EXOSC10: variants seen among roughly 807,000 people sequenced by gnomAD.
EXOSC10 encodes exosome component 10, also known as exosome complex component 10.
EXOSC10 carries 94 observed loss-of-function variants against 126.6 expected under a neutral mutation model. The observed-to-expected ratio is 0.74, with a 90% CI of 0.63 to 0.88. The LOEUF (loss-of-function observed/expected upper bound fraction) is 0.88, where lower values mean the gene tolerates loss of function less well. EXOSC10 is among the 40% of genes least tolerant of loss of function. The pLI, the probability that EXOSC10 is intolerant of heterozygous loss-of-function variation, is 0.00. For missense variants in EXOSC10, 1,041 were observed against 1,100.5 expected, an observed-to-expected ratio of 0.95 and a Z score of 0.77; for synonymous variants, 395 against 400.8, an observed-to-expected ratio of 0.99 and a Z score of 0.17.
chr1:11,099,655 G>C, intron 1 of EXOSC10, 66 bp downstream of exon 1: 8 of 1,472,954 alleles, frequency 5.4e-6, no homozygotes, highest in Non-Finnish European at 6.3e-6. Context: ...TGGCTGCCCA[G>C]AGGGCCCAGT....
chr1:11,068,296 G>A lies in EXOSC10; in HGVS notation c.2551-212C>T, dbSNP rs564444804. On this transcript the variant is annotated intron_variant, in intron 23 of 24. Coordinates refer to ENST00000376936, the MANE Select transcript of EXOSC10 (RefSeq NM_001001998.3). ...CACCCCAAAGCAGCCCTGCCCCCGC[G>A]CCTGTGGAAGCTACAGCCACGCTGT... 9.2e-5 allele frequency among the ~76,000 whole-genome samples: 14 copies of A among 152,310 alleles called. No individual in the cohort carries two copies. The East Asian group carries it at 2.1e-3, about 23-fold the overall frequency.
chr1:11,095,849 C>T lies in EXOSC10; in HGVS notation c.281G>A (p.Arg94His), dbSNP rs201697851. Residue 94 changes from arginine (R) to histidine (H), a missense_variant, in exon 3 of 25, where the codon CGC becomes CAC. Physicochemically the swap from Arg to His is conservative, Grantham distance 29. Transcript: ENST00000376936. ...TTTACTTCGATCCTTAATGTTGCTGCGACACCCATGGTACTGCATTACTCT... is the reference window on the plus strand; with the variant it reads ...TTTACTTCGATCCTTAATGTTGCTGTGACACCCATGGTACTGCATTACTCT... ...MSRVMQYHGC[R>H]SNIKDRSKVT... 68 of 1,613,860 alleles carry T rather than the reference C, an allele frequency of 4.2e-5. 1 individual carries two copies. Among genetic ancestry groups the T allele is most frequent in the Middle Eastern group, 3.3e-4 (2 of 6,062 alleles).
chr1:11,076,958 C>T lies in EXOSC10; in HGVS notation c.1880-10G>A, dbSNP rs1338595818. The T allele has an allele frequency of 1.2e-6, 2 of 1,602,762 alleles. No individual in the cohort carries two copies. Among genetic ancestry groups the T allele is most frequent in the Non-Finnish European group, 1.7e-6 (2 of 1,170,398 alleles). Reference sequence around the variant, plus strand: ...TGAACTGGCACAGATCCTAGAGGAGCAGAAGATAGTAAGGTCAAAGCCTAC... The same window carrying T: ...TGAACTGGCACAGATCCTAGAGGAGTAGAAGATAGTAAGGTCAAAGCCTAC... On this transcript the variant is annotated splice_polypyrimidine_tract_variant and intron_variant, in intron 16 of 24. Coordinates refer to ENST00000376936, the MANE Select transcript of EXOSC10 (RefSeq NM_001001998.3).
At chr1:11,093,184 T>C (rs12127428) in intron 3 of EXOSC10, among the ~76,000 whole-genome samples, 10,985 of 152,272 alleles carry the variant, frequency 0.072, 617 homozygotes, top group East Asian at 0.15. Flanking sequence ...TAATTACCCA[T>C]GCCCAATACT....
In EXOSC10 at chr1:11,087,522, T is replaced by C. The variant is rs2100210350; in HGVS notation, c.1015A>G (p.Ile339Val). ...CTTCGAAGCTCGAGGGTGTCAATGA[T>C]GAAGTCTTCCGTCCGAGTAGAAATT... is the stretch of plus-strand genomic sequence containing the variant. ...MQISTRTEDF[I>V]IDTLELRSDM... Residue 339 changes from isoleucine to valine, a missense_variant, in exon 9 of 25, where the codon ATC (isoleucine) becomes GTC (valine). Transcript: ENST00000376936. 1.9e-6 allele frequency: 3 copies of C among 1,614,152 alleles called. No individual in the cohort carries two copies. Among genetic ancestry groups the C allele is most frequent in the Non-Finnish European group, 1.7e-6 (2 of 1,180,030 alleles).
intron 9 of EXOSC10, among the ~76,000 whole-genome samples, chr1:11,086,375 T>C (rs1186847205): frequency 1.3e-5 from 2 of 152,236 alleles, no homozygotes; most frequent in African/African-American, 4.8e-5. Flanking sequence ...GAGGAATTTA[T>C]CCATTTCTTC....
chr1:11,071,175 C>T lies in EXOSC10; in HGVS notation c.2243-202G>A, dbSNP rs534026308. 1.3e-3 allele frequency: 745 copies of T among 573,528 alleles called. 1 individual carries two copies. Among genetic ancestry groups the T allele is most frequent in the Non-Finnish European group, 1.8e-3 (581 of 322,882 alleles). 35.5% of individuals were successfully genotyped at this position (573,528 alleles called of 1,614,324 possible). On this transcript the variant is annotated intron_variant, in intron 20 of 24. Coordinates refer to ENST00000376936, the MANE Select transcript of EXOSC10 (RefSeq NM_001001998.3). ...GGTGCTCTGCCCACCTTCAGCTACA[C>T]GTGAGCTGATCCTCCCCAGCCCTGC...
chr1:11,077,495 T>C, intron 15 of EXOSC10, 52 bp from the exon 16 acceptor site: 1 of 1,593,842 alleles, frequency 6.3e-7, no homozygotes, highest in Non-Finnish European at 8.6e-7. Context: ...AAGCCGGCAG[T>C]AGCTTTCTGC....
At chr1:11,071,059 G>C (rs1364243698) in intron 20 of EXOSC10, 86 bp from the exon 21 acceptor site, 9 of 1,240,292 alleles carry the variant, frequency 7.3e-6, no homozygotes, top group Non-Finnish European at 1.0e-5. Flanking sequence ...ACTTGGCCTA[G>C]CCACAGGGGT....
At chr1:11,099,638 C>G (rs943326375) in intron 1 of EXOSC10, 83 bp downstream of exon 1, 6 of 1,384,394 alleles carry the variant, frequency 4.3e-6, no homozygotes, top group Admixed American at 5.7e-5. Flanking sequence ...CTACGGCGGG[C>G]GGGCATTGGC....
rs550162161 is a variant in EXOSC10, at chr1:11,079,776, C to G, written c.1684G>C (p.Val562Leu). Residue 562 changes from valine (V) to leucine (L), a missense_variant, in exon 14 of 25, where the codon GTG becomes CTG. By Grantham distance (32) the Val-to-Leu change is conservative. Around this residue, in one of 3 missense-constraint regions of EXOSC10, gnomAD observed 388 missense variants for 415.2 expected, o/e 0.93. Coordinates refer to ENST00000376936, the MANE Select transcript of EXOSC10 (RefSeq NM_001001998.3). ...TGCATTTCGTTGATCTGCTGCCGCA[C>G]AAGGGGCGGTACTGGGTTGCAGCAA... is the stretch of plus-strand genomic sequence containing the variant. ...IACCNPVPPL[V>L]RQQINEMHLL... 80 of 1,613,900 alleles carry G rather than the reference C, an allele frequency of 5.0e-5. No homozygotes were observed. In the South Asian group the frequency reaches 8.7e-4, roughly 18 times the overall value.
intron 15 of EXOSC10, 61 bp from the exon 16 acceptor site, chr1:11,077,504 G>GCC (rs746375241): frequency 1.6e-5 from 26 of 1,600,172 alleles, no homozygotes; most frequent in Non-Finnish European, 2.1e-5. Context: ...GTAGCTTTCT[G>GCC]CCAGCTGTCA....
At chr1:11,078,955 A>G (rs1250601240) in intron 14 of EXOSC10, among the ~76,000 whole-genome samples, 4 of 152,164 alleles carry the variant, frequency 2.6e-5, no homozygotes, top group Non-Finnish European at 4.4e-5. Context: ...CCTAAGCCCT[A>G]TTATTTCCCT....
At chr1:11,089,922 C>T (rs1292526415) in intron 6 of EXOSC10, among the ~76,000 whole-genome samples, 1 of 151,476 alleles carries the variant, frequency 6.6e-6, no homozygotes, top group African/African-American at 2.4e-5. Flanking sequence ...CCAGTCTGGG[C>T]GACAGAGCAA....
chr1:11,070,817 C>T (rs1639439313), intron 21 of EXOSC10, 83 bp downstream of exon 21: 1 of 1,245,912 alleles, frequency 8.0e-7, no homozygotes. Flanking sequence ...ACAGGGCAAG[C>T]CCCCTAAGAT....
At chr1:11,079,558 A>C (rs1640027926) in intron 14 of EXOSC10, among the ~76,000 whole-genome samples, 153 bp downstream of exon 14, 1 of 150,794 alleles carries the variant, frequency 6.6e-6, no homozygotes, top group African/African-American at 2.4e-5. Context: ...ACGCCTGGCT[A>C]ATTTTTTGTA....
chr1:11,099,818 C>T lies in EXOSC10; in HGVS notation c.14G>A (p.Ser5Asn), dbSNP rs1641338627. 2.5e-6 allele frequency: 4 copies of T among 1,606,622 alleles called. No individual in the cohort carries two copies. In the South Asian group the frequency reaches 3.3e-5, roughly 13 times the overall value. ...CGACAGGACCCTGGGCTCCCGGGTA[C>T]TGGGTGGCGCCATTTTTTCAGCCTG... MAPP[S>N]TREPRVLSAT... The change falls in exon 1 of 25, where the codon AGT becomes AAT. Residue 5 changes from serine to asparagine, a missense_variant. By Grantham distance (46) the Ser-to-Asn change is conservative. Coordinates refer to ENST00000376936, the MANE Select transcript of EXOSC10 (RefSeq NM_001001998.3).
At chr1:11,070,749 T>G (rs1037192328) in intron 21 of EXOSC10, 151 bp downstream of exon 21, 1 of 657,234 alleles carries the variant, frequency 1.5e-6, no homozygotes, top group Admixed American at 2.7e-5. Flanking sequence ...GGAAATGAGG[T>G]AGACACTAAT....
In EXOSC10 at chr1:11,087,865, G is replaced by A; in HGVS notation, c.880C>T (p.Leu294=). ...EETPCHFISS[L]DELVELNEKL... is the part of the protein sequence containing the mutation. ...TCGTTGAGTTCCACGAGTTCATCCAGGGAGGATATGAAATGGCATGGTGTC... is the reference window on the plus strand; with the variant it reads ...TCGTTGAGTTCCACGAGTTCATCCAAGGAGGATATGAAATGGCATGGTGTC... Residue 294 remains leucine (L), a synonymous_variant, in exon 8 of 25, where the codon CTG becomes TTG. Transcript: ENST00000376936. 1 of 1,613,736 alleles carries A rather than the reference G, an allele frequency of 6.2e-7. No homozygotes were observed. Among genetic ancestry groups the A allele is most frequent in the Non-Finnish European group, 8.5e-7 (1 of 1,179,772 alleles).
Sources: allele counts gnomAD v4.1 joint callset (sites outside exome capture counted in the v4.1 genomes callset), GRCh38; gene constraint gnomAD v4.1.1; regional missense constraint gnomAD v4.1.1; transcripts MANE v1.5; gene names NCBI Gene and HGNC (gene_info 2026-07-23, HGNC 2026-07-21).